SLC6A3: variants seen among roughly 807,000 people sequenced by gnomAD.
SLC6A3 encodes the protein sodium-dependent dopamine transporter.
A neutral mutation model predicts 70.4 loss-of-function variants in SLC6A3; 19 were observed. That is an observed-to-expected ratio of 0.27 (90% confidence interval 0.19 to 0.40). SLC6A3 has a LOEUF of 0.40. Among genes scored for constraint, SLC6A3 ranks in the 10% least tolerant of loss-of-function variants. The pLI, the probability that SLC6A3 is intolerant of heterozygous loss-of-function variation, is 1.00. For missense variants in SLC6A3, 613 were observed against 838.5 expected, an observed-to-expected ratio of 0.73 and a Z score of 3.32; for synonymous variants, 368 against 356.6, an observed-to-expected ratio of 1.03 and a Z score of -0.36.
rs771177632 is a variant in SLC6A3 at position 1,441,393 on chromosome 5, G to A, written c.384C>T (p.Ala128=). Residue 128 remains alanine (A), a synonymous_variant, in exon 3 of 15, where the codon GCC becomes GCT. Transcript: ENST00000270349. ...LALGQFNREG[A]AGVWKICPIL... ...TGGGGCAGATCTTCCAGACACCAGC[G>A]GCCCCTTCCCTGTTGAACTGGCCGA... 26 of 1,614,118 alleles carry A rather than the reference G, an allele frequency of 1.6e-5. No individual in the cohort carries two copies. In the East Asian group the frequency reaches 1.8e-4, roughly 11 times the overall value.
intron 7 of SLC6A3, among the ~76,000 whole-genome samples, chr5:1,415,136 C>T (rs1756255071): frequency 6.6e-6 from 1 of 152,088 alleles, no homozygotes; most frequent in Non-Finnish European, 1.5e-5. Flanking sequence ...GGAGCACACA[C>T]CTCCCGGGGA....
chr5:1,395,189 T>A (rs1755685754), intron 14 of SLC6A3, among the ~76,000 whole-genome samples: 2 of 152,130 alleles, frequency 1.3e-5, no homozygotes, highest in South Asian at 4.1e-4. Flanking sequence ...AGATGCTCCA[T>A]CTGAGTGACA....
chr5:1,445,113 C>T (rs143395857), intron 1 of SLC6A3, among the ~76,000 whole-genome samples: 420 of 152,290 alleles, frequency 2.8e-3, no homozygotes, highest in African/African-American at 9.4e-3. Context: ...GAGCCTGGAG[C>T]GGGGCCAGGG....
chr5:1,425,461 G>A (rs1192437785), intron 4 of SLC6A3, among the ~76,000 whole-genome samples: 1 of 152,154 alleles, frequency 6.6e-6, no homozygotes, highest in Non-Finnish European at 1.5e-5. Context: ...GACATGACAA[G>A]AAGCAAGAAA....
chr5:1,418,166 G>A (rs1756350681), intron 6 of SLC6A3, among the ~76,000 whole-genome samples: 1 of 152,148 alleles, frequency 6.6e-6, no homozygotes, highest in Non-Finnish European at 1.5e-5. Context: ...GCCTGGCCAG[G>A]TAGCTGCAGG....
chr5:1,400,897 C>G lies in SLC6A3; in HGVS notation c.1839+18G>C. 1 of 1,559,024 alleles carries G rather than the reference C, an allele frequency of 6.4e-7. No homozygotes were observed. The highest frequency in any genetic ancestry group is 8.7e-7 in the Non-Finnish European group (1 of 1,144,630). Reference sequence around the variant, plus strand: ...CTGAATTCCCCCGAGAGAGGCCCAGCAGGGACCTCGACCTCACCGTGAACT... The same window carrying G: ...CTGAATTCCCCCGAGAGAGGCCCAGGAGGGACCTCGACCTCACCGTGAACT... On this transcript the variant is annotated intron_variant, in intron 14 of 14. Coordinates refer to ENST00000270349, the MANE Select transcript of SLC6A3 (RefSeq NM_001044.5).
At position 1,409,039 on chromosome 5, in the gene SLC6A3, C is replaced by A. The variant is rs1756052542; in HGVS notation, c.1485G>T (p.Val495=). ...CCCCGGACTCACCATAGAACCAGGC[C>A]ACTCCGATGGCTTCGATGAGCACTC... ...LFGVLIEAIG[V]AWFYGVGQFS... The change falls in exon 11 of 15, where the codon GTG becomes GTT. Residue 495 remains valine, a synonymous_variant. Transcript: ENST00000270349. 2 of 1,612,024 alleles carry A rather than the reference C, an allele frequency of 1.2e-6. No homozygotes were observed. The highest frequency in any genetic ancestry group is 8.5e-7 in the Non-Finnish European group (1 of 1,179,232).
In SLC6A3 at chr5:1,401,874, G is replaced by A. The variant is rs565559346; in HGVS notation, c.1768-888C>T. 9.8e-4 allele frequency among the ~76,000 whole-genome samples: 150 copies of A among 152,288 alleles called. 2 individuals carry two copies. The highest frequency in any genetic ancestry group is 1.5e-3 in the Non-Finnish European group (103 of 68,012). The stretch of plus-strand genomic sequence containing the variant: ...GGGTCCTGGCAGGTCAGCCCGTGGG[G>A]GTCTGAGAGGGACTGTCCACAGCAG... On this transcript the variant is annotated intron_variant, in intron 13 of 14. Transcript: ENST00000270349. The surrounding 1 kb of genome is among the most constrained non-coding windows in gnomAD (Gnocchi z 6.1).
At position 1,411,901 on chromosome 5, in the gene SLC6A3, G is replaced by A. The variant is rs984627695; in HGVS notation, c.1157-546C>T. 6.6e-6 allele frequency among the ~76,000 whole-genome samples: 1 copy of A among 151,168 alleles called. No individual in the cohort carries two copies. Among genetic ancestry groups the A allele is most frequent in the Non-Finnish European group, 1.5e-5 (1 of 67,814 alleles). On this transcript the variant is annotated intron_variant, in intron 8 of 14. Coordinates refer to ENST00000270349, the MANE Select transcript of SLC6A3 (RefSeq NM_001044.5). The surrounding 1 kb of genome is among the most constrained non-coding windows in gnomAD (Gnocchi z 6.5). ...ATACACACTCAGACACACATACCATGCAATATACACACACAGACACATGCG... is the reference window on the plus strand; with the variant it reads ...ATACACACTCAGACACACATACCATACAATATACACACACAGACACATGCG...
intron 4 of SLC6A3, among the ~76,000 whole-genome samples, chr5:1,431,942 G>A (rs1756715788): frequency 6.6e-6 from 1 of 152,210 alleles, no homozygotes; most frequent in Admixed American, 6.5e-5. Context: ...GGGTCACCCT[G>A]GAGACAGGGG....
Position 1,406,622 on chromosome 5 carries a change from C to T in SLC6A3, c.1499-334G>A, listed in dbSNP as rs1045919512. 1.3e-5 allele frequency among the ~76,000 whole-genome samples: 2 copies of T among 149,266 alleles called. No individual in the cohort carries two copies. The highest frequency in any genetic ancestry group is 4.9e-5 in the African/African-American group (2 of 41,170). On this transcript the variant is annotated intron_variant, in intron 11 of 14. Transcript: ENST00000270349. The surrounding 1 kb of genome is among the most constrained non-coding windows in gnomAD (Gnocchi z 8.8). ...CCCTCTGCTGCTGGTACTTCTTGTT[C>T]ACTTAAAAAGATTATGGTAAAATAC...
intron 4 of SLC6A3, among the ~76,000 whole-genome samples, chr5:1,431,929 G>T (rs1756715465): frequency 6.6e-6 from 1 of 152,240 alleles, no homozygotes; most frequent in African/African-American, 2.4e-5. Context: ...AAAGCGGACG[G>T]CTGGGTCACC....
At chr5:1,428,566 A>G (rs1296453241) in intron 4 of SLC6A3, among the ~76,000 whole-genome samples, 1 of 152,172 alleles carries the variant, frequency 6.6e-6, no homozygotes, top group Non-Finnish European at 1.5e-5. Context: ...ATTTCTCTCC[A>G]GGAACCATTT....
chr5:1,439,798 A>T (rs1756929029), intron 3 of SLC6A3, among the ~76,000 whole-genome samples: 1 of 152,250 alleles, frequency 6.6e-6, no homozygotes, highest in Non-Finnish European at 1.5e-5. Flanking sequence ...CCAGCCCCTG[A>T]GAGGTGGCTT....
At chr5:1,422,744 C>CCA (rs559488337) in intron 4 of SLC6A3, among the ~76,000 whole-genome samples, 22 of 43,880 alleles carry the variant, frequency 5.0e-4, no homozygotes, top group East Asian at 1.2e-3. Flanking sequence ...CCACCGCTGC[C>CCA]CAGTGCTGCC....
At chr5:1,426,301 A>G (rs418265) in intron 4 of SLC6A3, among the ~76,000 whole-genome samples, 80,424 of 152,022 alleles carry the variant, frequency 0.53, 21,996 homozygotes, top group South Asian at 0.65. Context: ...TGCTCTGGGA[A>G]GCTGAGGCGG....
rs1449795619 is a variant in SLC6A3 at position 1,416,185 on chromosome 5, G to A, written c.944C>T (p.Ala315Val). Reference protein sequence around the residue: ...LCEASVWIDAATQVCFSLGVG... With the variant: ...LCEASVWIDAVTQVCFSLGVG... ...GCCCAGGGAGAAGCACACCTGGGTG[G>A]CCGCGTCAATCCAAACCTGCAGAGC... Residue 315 changes from alanine to valine, a missense_variant, in exon 7 of 15, where the codon GCC becomes GTC. Coordinates refer to ENST00000270349, the MANE Select transcript of SLC6A3 (RefSeq NM_001044.5). The A allele has an allele frequency of 6.2e-7, 1 of 1,613,182 alleles. No homozygotes were observed. The highest frequency in any genetic ancestry group is 1.7e-5 in the Admixed American group (1 of 59,998).
chr5:1,418,301 A>C (rs571544571), intron 6 of SLC6A3, among the ~76,000 whole-genome samples: 1 of 152,128 alleles, frequency 6.6e-6, no homozygotes, highest in Non-Finnish European at 1.5e-5. Flanking sequence ...GCCTCACCTC[A>C]TGCACTTTCA....
In SLC6A3 at chr5:1,394,806, TTAAGAGCAGCTGAAGGTGGC is replaced by T. The variant is rs374826498; in HGVS notation, c.1840-68_1840-49del. The T allele has an allele frequency of 6.3e-4, 1,015 of 1,605,914 alleles. 7 individuals carry two copies. In the African/African-American group the frequency reaches 0.011, roughly 18 times the overall value. Reference sequence around the variant, plus strand: ...CAGAAACCCTGGGGCGATGCCCCATTTAAGAGCAGCTGAAGGTGGCTAAGAGCAGCTGAAGGCAGTGAGCA... The same window carrying T: ...CAGAAACCCTGGGGCGATGCCCCATTTAAGAGCAGCTGAAGGCAGTGAGCA... On this transcript the variant is annotated intron_variant, in intron 14 of 14. Transcript: ENST00000270349. The surrounding 1 kb of genome is among the most constrained non-coding windows in gnomAD (Gnocchi z 4.7).
Sources: allele counts gnomAD v4.1 joint callset (sites outside exome capture counted in the v4.1 genomes callset), GRCh38; gene constraint gnomAD v4.1.1; non-coding constraint Gnocchi (gnomAD v3.1); transcripts MANE v1.5; gene names NCBI Gene and HGNC (gene_info 2026-07-23, HGNC 2026-07-21).